PCDH15: variants seen among roughly 807,000 people sequenced by gnomAD.
The protein encoded by PCDH15 is protocadherin-15.
PCDH15 carries 129 observed loss-of-function variants against 178.5 expected under a neutral mutation model. The ratio of observed to expected loss-of-function variants is 0.72; its 90% confidence interval spans 0.63 to 0.84. The LOEUF (loss-of-function observed/expected upper bound fraction) is 0.84, where lower values mean the gene tolerates loss of function less well. PCDH15 is among the 40% of genes least tolerant of loss of function. PCDH15 has a pLI of 0.00. For missense variants in PCDH15, 2,230 were observed against 2,099.9 expected, an observed-to-expected ratio of 1.06 and a Z score of -1.21; for synonymous variants, 800 against 732.0, an observed-to-expected ratio of 1.09 and a Z score of -1.50.
chr10:55,318,003 T>C (rs374214479), intron 1 of PCDH15, among the ~76,000 whole-genome samples: 1 of 152,158 alleles, frequency 6.6e-6, no homozygotes, highest in African/African-American at 2.4e-5. Flanking sequence ...GTCGTCTACA[T>C]AAAGTCTTAG....
At position 55,351,060 on chromosome 10, in the gene PCDH15, C is replaced by T. The variant is rs191230998; in HGVS notation, c.-155-184409G>A. Among the ~76,000 whole-genome samples the T allele has an allele frequency of 2.9e-3, 378 of 129,802 alleles. 2 individuals carry two copies. The highest frequency in any genetic ancestry group is 0.013 in the Middle Eastern group (3 of 240). 85.2% of individuals were successfully genotyped at this position (129,802 alleles called of 152,430 possible). ...CTCCCTCCTCCCCCTCCCCTCCCCC[C>T]GCTGCTGCCTCCTCCTCCTCCTCCT... On this transcript the variant is annotated intron_variant, in intron 2 of 5. Coordinates refer to the PCDH15 transcript ENST00000613346.
chr10:55,442,892 T>C (rs1174019169), intron 2 of PCDH15, among the ~76,000 whole-genome samples: 1 of 151,934 alleles, frequency 6.6e-6, no homozygotes, highest in African/African-American at 2.4e-5. Flanking sequence ...TGTCCCAATT[T>C]TAAAAAGGAG....
At chr10:53,825,729 AACTT>A (rs2076633537) in intron 32 of PCDH15, among the ~76,000 whole-genome samples, 1 of 151,490 alleles carries the variant, frequency 6.6e-6, no homozygotes, top group Non-Finnish European at 1.5e-5. Flanking sequence ...ATTTTCTAGT[AACTT>A]AATGCTTAGA....
At chr10:53,983,658 G>A (rs750720848) in intron 21 of PCDH15, among the ~76,000 whole-genome samples, 2 of 152,056 alleles carry the variant, frequency 1.3e-5, no homozygotes, top group Admixed American at 6.6e-5. Flanking sequence ...AACGTAACTC[G>A]ACCCTTAAAG....
intron 15 of PCDH15, among the ~76,000 whole-genome samples, chr10:54,122,068 T>TTCAGA (rs1368045995): frequency 6.8e-6 from 1 of 146,176 alleles, no homozygotes; most frequent in Non-Finnish European, 1.5e-5. Flanking sequence ...ATGAAACTAC[T>TTCAGA]GGCCCATGCC....
chr10:54,070,684 G>A (rs1565180771), intron 17 of PCDH15, among the ~76,000 whole-genome samples: 2 of 152,026 alleles, frequency 1.3e-5, no homozygotes, highest in African/African-American at 2.4e-5. Context: ...TGAACTCCTA[G>A]GCTCAAGTGA....
intron 21 of PCDH15, chr10:53,994,816 C>T (rs1382582275): frequency 2.6e-5 from 4 of 152,064 alleles, no homozygotes; most frequent in Non-Finnish European, 4.4e-5. Flanking sequence ...TGGCCATTCA[C>T]TTTTAATTAA....
chr10:53,880,019 C>A (rs965828129), intron 26 of PCDH15, among the ~76,000 whole-genome samples: 1 of 152,184 alleles, frequency 6.6e-6, no homozygotes, highest in Non-Finnish European at 1.5e-5. Flanking sequence ...GTAATTTCTG[C>A]ATTTTGTATT....
chr10:55,334,260 G>GTGTGTC, intron 2 of PCDH15, among the ~76,000 whole-genome samples: 1 of 121,868 alleles, frequency 8.2e-6, no homozygotes, highest in Non-Finnish European at 1.6e-5. Context: ...GTGTGTGTGT[G>GTGTGTC]TGTGTGTGTG....
At chr10:53,959,704 T>C (rs2088069658) in intron 23 of PCDH15, 28 bp downstream of exon 23, 2 of 1,527,442 alleles carry the variant, frequency 1.3e-6, no homozygotes, top group Non-Finnish European at 1.8e-6. Context: ...ACATTTCGTG[T>C]ATTTCAAAAT....
At chr10:54,205,000 ATTAGT>A (rs2050642745) in intron 10 of PCDH15, among the ~76,000 whole-genome samples, 2 of 152,114 alleles carry the variant, frequency 1.3e-5, no homozygotes, top group Non-Finnish European at 2.9e-5. Flanking sequence ...TGTTTTCTTT[ATTAGT>A]TTAATTTTAT....
intron 15 of PCDH15, among the ~76,000 whole-genome samples, chr10:54,105,923 T>TA (rs149303092): frequency 0.019 from 2,939 of 152,324 alleles, 43 homozygotes; most frequent in East Asian, 0.038. Context: ...TAAAGTGTAG[T>TA]ATATGCAGAC....
intron 2 of PCDH15, among the ~76,000 whole-genome samples, chr10:55,147,349 G>A (rs1342633338): frequency 1.3e-5 from 2 of 151,264 alleles, no homozygotes; most frequent in Admixed American, 1.3e-4. Context: ...GTGTACCATT[G>A]TATAATGCAG....
At chr10:54,380,417 T>C (rs902013126) in intron 3 of PCDH15, among the ~76,000 whole-genome samples, 1 of 151,440 alleles carries the variant, frequency 6.6e-6, no homozygotes, top group African/African-American at 2.4e-5. Flanking sequence ...AATGTATATA[T>C]ATTCAAGGCC....
At chr10:55,345,193 T>C (rs1026858699) in intron 2 of PCDH15, among the ~76,000 whole-genome samples, 6 of 151,866 alleles carry the variant, frequency 4.0e-5, no homozygotes. Flanking sequence ...ATAGTTATAT[T>C]GATACTTATT....
chr10:55,329,653 T>G (rs1192609807), intron 2 of PCDH15, among the ~76,000 whole-genome samples: 2 of 151,874 alleles, frequency 1.3e-5, no homozygotes, highest in Non-Finnish European at 3.0e-5. Flanking sequence ...CCAGTCTTAT[T>G]ATTTCCCAAT....
At chr10:53,943,762 T>C (rs887996086) in intron 23 of PCDH15, among the ~76,000 whole-genome samples, 15 of 152,152 alleles carry the variant, frequency 9.9e-5, no homozygotes, top group Non-Finnish European at 2.1e-4. Flanking sequence ...ATTGTTCCAG[T>C]ACACTTGTTT....
intron 3 of PCDH15, among the ~76,000 whole-genome samples, chr10:54,443,122 C>T (rs2075933497): frequency 6.6e-6 from 1 of 151,632 alleles, no homozygotes; most frequent in Non-Finnish European, 1.5e-5. Flanking sequence ...GAAATCACTG[C>T]TAGCAACTTT....
At chr10:55,241,920 A>G (rs1391700018) in intron 1 of PCDH15, among the ~76,000 whole-genome samples, 3 of 152,220 alleles carry the variant, frequency 2.0e-5, no homozygotes, top group Non-Finnish European at 4.4e-5. Context: ...AATAGATTCA[A>G]AACTCATAAA....
Sources: gnomAD v4.1 joint callset for allele counts (sites outside exome capture counted in the v4.1 genomes callset) on GRCh38, gnomAD v4.1.1 for gene constraint, MANE v1.5 for transcripts, NCBI Gene and HGNC (gene_info 2026-07-23, HGNC 2026-07-21) for gene names.